The following ATP9B variants were observed in gnomAD, a reference collection of about 807,000 sequenced individuals.
The protein encoded by ATP9B is probable phospholipid-transporting ATPase IIB.
Under a neutral mutation model 146.1 loss-of-function variants are expected in ATP9B, and 110 were observed. The observed-to-expected ratio is 0.75, with a 90% CI of 0.65 to 0.88. The LOEUF is 0.88. Ranked by LOEUF, ATP9B falls within the 40% of genes least tolerant of loss-of-function variation. The probability of loss-of-function intolerance (pLI) is 0.00; values close to 1 mark genes in which losing one functional copy is unlikely to be tolerated. For missense variants in ATP9B, 1,499 were observed against 1,496.4 expected (o/e 1.00, Z -0.03); for synonymous variants, 604 against 569.7 (o/e 1.06, Z -0.86).
intron 13 of ATP9B, among the ~76,000 whole-genome samples, chr18:79,301,538 CAG>C (rs779996329): frequency 3.2e-4 from 49 of 152,194 alleles, no homozygotes; most frequent in Admixed American, 6.5e-4. Flanking sequence ...TGATGGTAGT[CAG>C]AGACTGAATT....
chr18:79,348,200 A>G lies in ATP9B; in HGVS notation c.2903+4A>G. 1 of 1,565,382 alleles carries G rather than the reference A, an allele frequency of 6.4e-7. No homozygotes were observed. The highest frequency in any genetic ancestry group is 2.4e-5 in the East Asian group (1 of 40,956). On this transcript the variant is annotated splice_donor_region_variant and intron_variant, in intron 25 of 29. Transcript: ENST00000426216. The stretch of plus-strand genomic sequence containing the variant: ...ATCAGGGCTTCCTCATGGTGGGGTA[A>G]GTTACACTCAGAACCTGCCAGCTCA...
At chr18:79,320,299 C>T (rs536834954) in intron 15 of ATP9B, among the ~76,000 whole-genome samples, 160 of 152,252 alleles carry the variant, frequency 1.1e-3, no homozygotes, top group African/African-American at 3.6e-3. Flanking sequence ...GCAGCGGAGG[C>T]GCAGTGCGAG....
At position 79,075,272 on chromosome 18, in the gene ATP9B, C is replaced by G. The variant is rs1424513355; in HGVS notation, c.119+5743C>G. Reference sequence around the variant, plus strand: ...GCTCAAGCCATCCTCCTGCTTTAGCCTCCAGAGTAGCTGGGATAGTAGGCA... The same window carrying G: ...GCTCAAGCCATCCTCCTGCTTTAGCGTCCAGAGTAGCTGGGATAGTAGGCA... On this transcript the variant is annotated intron_variant, in intron 1 of 29. Coordinates refer to ENST00000426216, the MANE Select transcript of ATP9B (RefSeq NM_198531.5). Among the ~76,000 whole-genome samples the G allele has an allele frequency of 2.0e-5, 3 of 152,190 alleles. No individual in the cohort carries two copies. In the East Asian group the frequency reaches 5.8e-4, roughly 29 times the overall value.
Position 79,172,579 on chromosome 18 carries a change from G to C in ATP9B, c.779-4234G>C, listed in dbSNP as rs8085170. ...GTGATTACAGGCGTAGCCACCGTGC[G>C]CCGACCTTGCGATCCGCCTTGGCCT... On this transcript the variant is annotated intron_variant, in intron 7 of 29. Transcript: ENST00000426216. Among the ~76,000 whole-genome samples, 207 of 37,212 alleles carry C rather than the reference G, an allele frequency of 5.6e-3. 12 individuals are homozygous for C. Among genetic ancestry groups the C allele is most frequent in the South Asian group, 0.015 (10 of 666 alleles). The allele number at this position is 37,212 out of a possible 152,430, so 24.4% of individuals were successfully genotyped here. A position where few individuals can be genotyped will look rare whatever the true frequency, so the allele number is the denominator to read the frequency against.
At chr18:79,210,850 C>T (rs1372597558) in intron 10 of ATP9B, among the ~76,000 whole-genome samples, 1 of 152,174 alleles carries the variant, frequency 6.6e-6, no homozygotes, top group African/African-American at 2.4e-5. Flanking sequence ...TCAACAAATA[C>T]ATTGATTTGT....
chr18:79,376,339 G>GTGTT, intron 29 of ATP9B: 1 of 985,104 alleles, frequency 1.0e-6, no homozygotes, highest in South Asian at 4.7e-5. Context: ...CTGCCACAGA[G>GTGTT]TGTTGTCCAC....
At chr18:79,123,035 G>C (rs2094215971) in intron 4 of ATP9B, among the ~76,000 whole-genome samples, 1 of 152,172 alleles carries the variant, frequency 6.6e-6, no homozygotes, top group African/African-American at 2.4e-5. Context: ...AGGAACAAGG[G>C]TGTTTGCTCC....
At chr18:79,076,749 T>A (rs2072668697) in intron 1 of ATP9B, among the ~76,000 whole-genome samples, 3 of 152,326 alleles carry the variant, frequency 2.0e-5, no homozygotes, top group African/African-American at 7.2e-5. Context: ...TGAGCTCTAC[T>A]CTCCGTCCCT....
At chr18:79,373,784 T>A (rs528510832) in intron 27 of ATP9B, 114 bp from the exon 28 acceptor site, 100 of 1,076,726 alleles carry the variant, frequency 9.3e-5, no homozygotes, top group Admixed American at 9.0e-4. Context: ...CTGCTGCGCC[T>A]GGCCTATCCC....
chr18:79,227,365 T>A (rs1278360233), intron 11 of ATP9B, among the ~76,000 whole-genome samples: 1 of 125,160 alleles, frequency 8.0e-6, no homozygotes, highest in Admixed American at 1.0e-4. Flanking sequence ...GTGAACAGAG[T>A]CAGGCCGCGT....
intron 12 of ATP9B, among the ~76,000 whole-genome samples, chr18:79,265,571 C>G (rs1200594893): frequency 6.6e-6 from 1 of 152,008 alleles, no homozygotes; most frequent in Non-Finnish European, 1.5e-5. Flanking sequence ...GTTTAAGTCC[C>G]GTTTAGGTGC....
rs879145107 is a variant in ATP9B, at chr18:79,377,770, T to C, written c.*387T>C. 1.4e-4 allele frequency: 27 copies of C among 186,662 alleles called. No individual in the cohort carries two copies. The South Asian group carries it at 1.5e-3, about 10-fold the overall frequency. 11.6% of individuals were successfully genotyped at this position (186,662 alleles called of 1,614,324 possible). On this transcript the variant is annotated 3_prime_UTR_variant, in exon 30 of 30. Transcript: ENST00000426216. ...CCCTCTCAGTGTGAGGCTTCACCCA[T>C]GCTAGGCAAGCCCAGGGCACAGATG...
chr18:79,290,826 G>A (rs555047304), intron 13 of ATP9B, among the ~76,000 whole-genome samples: 96 of 152,344 alleles, frequency 6.3e-4, no homozygotes, highest in African/African-American at 2.0e-3. Context: ...GATTATGTAT[G>A]TGTCTTACTT....
intron 13 of ATP9B, among the ~76,000 whole-genome samples, chr18:79,290,709 C>G (rs1260814871): frequency 6.6e-6 from 1 of 152,240 alleles, no homozygotes; most frequent in African/African-American, 2.4e-5. Context: ...TTCTGCCTTG[C>G]TCACGCTGGG....
chr18:79,076,579 T>C (rs1599339336), intron 1 of ATP9B, among the ~76,000 whole-genome samples: 1 of 115,560 alleles, frequency 8.7e-6, no homozygotes. Context: ...CTTTCAAGCA[T>C]TTTTTTTAAG....
At chr18:79,294,436 G>C (rs1417688895) in intron 13 of ATP9B, among the ~76,000 whole-genome samples, 2 of 152,244 alleles carry the variant, frequency 1.3e-5, no homozygotes, top group Non-Finnish European at 1.5e-5. Flanking sequence ...GCCTTGCCCA[G>C]CCGTGGCTCA....
At chr18:79,195,075 T>C (rs760547578) in intron 9 of ATP9B, among the ~76,000 whole-genome samples, 3 of 152,122 alleles carry the variant, frequency 2.0e-5, no homozygotes, top group Non-Finnish European at 4.4e-5. Context: ...TCCTGAAACA[T>C]TATAATAACC....
chr18:79,251,310 G>A (rs1272265715), intron 11 of ATP9B, among the ~76,000 whole-genome samples: 2 of 152,320 alleles, frequency 1.3e-5, no homozygotes, highest in East Asian at 1.9e-4. Context: ...CCTTGTCATC[G>A]CTACTGTTGT....
At chr18:79,148,864 C>T (rs1026058632) in intron 6 of ATP9B, among the ~76,000 whole-genome samples, 1 of 152,168 alleles carries the variant, frequency 6.6e-6, no homozygotes. Context: ...GTGAGTTCAA[C>T]ATCGTGTCAA....
Sources: gnomAD v4.1 joint callset for allele counts (sites outside exome capture counted in the v4.1 genomes callset) on GRCh38, gnomAD v4.1.1 for gene constraint, MANE v1.5 for transcripts, NCBI Gene and HGNC (gene_info 2026-07-23, HGNC 2026-07-21) for gene names.